Variants in ZNF366 observed in about 807,000 individuals in gnomAD.
The protein encoded by ZNF366 is zinc finger protein 366, also known as dendritic cell-specific transcript protein.
Under a neutral mutation model 47.2 loss-of-function variants are expected in ZNF366, and 20 were observed. That is an observed-to-expected ratio of 0.42 (90% CI 0.30 to 0.62). ZNF366 has a LOEUF of 0.62. ZNF366 is among the 20% of genes least tolerant of loss of function. The pLI, the probability that ZNF366 is intolerant of heterozygous loss-of-function variation, is 0.16. For synonymous variants in ZNF366, 421 were observed against 395.1 expected, an observed-to-expected ratio of 1.07 and a Z score of -0.78; for missense variants, 987 against 976.3, an observed-to-expected ratio of 1.01 and a Z score of -0.15.
At position 72,444,274 on chromosome 5, in the gene ZNF366, T is replaced by C. The variant is rs1333401095; in HGVS notation, c.1717A>G (p.Ile573Val). ...ACACCGGCTGTCTGTGCCAGGGCGATTCTCCCCCTTCCCAGACCTGCAAGA... is the reference window on the plus strand; with the variant it reads ...ACACCGGCTGTCTGTGCCAGGGCGACTCTCCCCCTTCCCAGACCTGCAAGA... ...LHSQGLGRGRIALAQTAGVLR... is the reference protein window; with the variant it reads ...LHSQGLGRGRVALAQTAGVLR... The change falls in exon 5 of 5, where the codon ATC (isoleucine) becomes GTC (valine). Residue 573 changes from isoleucine (I) to valine (V), a missense_variant. Around this residue, in one of 3 missense-constraint regions of ZNF366, gnomAD observed 285 missense variants for 234.8 expected, o/e 1.21. Transcript: ENST00000318442. 1.2e-6 allele frequency: 2 copies of C among 1,611,366 alleles called. No individual in the cohort carries two copies. Among genetic ancestry groups the C allele is most frequent in the Admixed American group, 1.7e-5 (1 of 59,916 alleles).
Position 72,460,966 on chromosome 5 carries a change from G to A in ZNF366, c.531C>T (p.Tyr177=). The part of the protein sequence containing the change: ...TPFLPTPYPY[Y]PKVHPGLMFP... ...ACATGAGGCCCGGGTGGACTTTGGG[G>A]TAGTAGGGGTAGGGCGTGGGCAGGA... The change falls in exon 2 of 5, where the codon TAC becomes TAT. Residue 177 remains tyrosine (Y), a synonymous_variant. Coordinates refer to ENST00000318442, the MANE Select transcript of ZNF366 (RefSeq NM_152625.3). 1 of 1,613,364 alleles carries A rather than the reference G, an allele frequency of 6.2e-7. No individual in the cohort carries two copies. The highest frequency in any genetic ancestry group is 8.5e-7 in the Non-Finnish European group (1 of 1,179,564).
chr5:72,452,303 C>T (rs907028360), intron 3 of ZNF366, among the ~76,000 whole-genome samples: 1 of 152,058 alleles, frequency 6.6e-6, no homozygotes, highest in Non-Finnish European at 1.5e-5. Context: ...CCAAAAGGAC[C>T]GTGAGAAAAC....
chr5:72,456,503 G>T lies in ZNF366; in HGVS notation c.1425C>A (p.Arg475=), dbSNP rs372107612. Residue 475 remains arginine, a synonymous_variant, in exon 3 of 5, where the codon CGC becomes CGA. Transcript: ENST00000318442. ...TGTAGCAGAGGTGACACTGGTAGGC[G>T]CGGATGTTGGTGTGGATCAGCACGT... ...KRHVLIHTNI[R]AYQCHLCYKS... The T allele has an allele frequency of 6.2e-7, 1 of 1,613,918 alleles. No homozygotes were observed. Among genetic ancestry groups the T allele is most frequent in the African/African-American group, 1.3e-5 (1 of 74,916 alleles).
intron 3 of ZNF366, among the ~76,000 whole-genome samples, chr5:72,455,837 G>A (rs1743171022): frequency 6.6e-6 from 1 of 152,194 alleles, no homozygotes; most frequent in Admixed American, 6.5e-5. Flanking sequence ...GCCCCAGCAA[G>A]CATTTCTGAG....
At chr5:72,492,007 G>T (rs1321263679) in intron 1 of ZNF366, among the ~76,000 whole-genome samples, 2 of 152,194 alleles carry the variant, frequency 1.3e-5, no homozygotes, top group Non-Finnish European at 2.9e-5. Flanking sequence ...AAATTAGAGA[G>T]TGTGCAAAGC....
At chr5:72,456,640 A>G (rs369981152) in intron 2 of ZNF366, 45 bp from the exon 3 acceptor site, 1 of 1,533,140 alleles carries the variant, frequency 6.5e-7, no homozygotes, top group Non-Finnish European at 8.9e-7. Context: ...GACAGGTAAC[A>G]TGCTTTCATC....
At chr5:72,484,495 A>AAATAATAATAATAATAAT (rs60726077) in intron 1 of ZNF366, among the ~76,000 whole-genome samples, 5 of 145,740 alleles carry the variant, frequency 3.4e-5, no homozygotes, top group African/African-American at 1.3e-4. Context: ...AAAAAAAAAA[A>AAATAATAATAATAATAAT]AATAATAATA....
At chr5:72,468,807 G>C (rs114463355) in intron 1 of ZNF366, among the ~76,000 whole-genome samples, 2 of 152,132 alleles carry the variant, frequency 1.3e-5, no homozygotes, top group African/African-American at 4.8e-5. Flanking sequence ...CTCTGTCCTC[G>C]TGACCCATTT....
intron 1 of ZNF366, among the ~76,000 whole-genome samples, chr5:72,464,642 C>T (rs544652912): frequency 2.0e-4 from 30 of 152,216 alleles, no homozygotes; most frequent in South Asian, 4.1e-4. Context: ...TAATTTTTTA[C>T]GTATCTTAAT....
At chr5:72,449,680 A>G (rs1489909961) in intron 3 of ZNF366, among the ~76,000 whole-genome samples, 1 of 152,238 alleles carries the variant, frequency 6.6e-6, no homozygotes, top group Non-Finnish European at 1.5e-5. Context: ...GAGTATAACC[A>G]GTATTTGGTT....
In ZNF366 at chr5:72,440,590, T is replaced by C. The variant is rs1457931253; in HGVS notation, c.*3166A>G. 1 of 152,232 alleles carries C rather than the reference T, an allele frequency of 6.6e-6. No individual in the cohort carries two copies. Among genetic ancestry groups the C allele is most frequent in the Non-Finnish European group, 1.5e-5 (1 of 68,040 alleles). The allele number at this position is 152,232 out of a possible 1,614,324, so 9.4% of individuals were successfully genotyped here. ...CCCACATGGACTCTCCTTCAAGGCTTGCCTTCTGGTTCATCAGCTCATTAG... is the reference window on the plus strand; with the variant it reads ...CCCACATGGACTCTCCTTCAAGGCTCGCCTTCTGGTTCATCAGCTCATTAG... On this transcript the variant is annotated 3_prime_UTR_variant, in exon 5 of 5. Coordinates refer to ENST00000318442, the MANE Select transcript of ZNF366 (RefSeq NM_152625.3).
rs147297673 is a variant in ZNF366, at chr5:72,478,026, A to G, written c.-14-16516T>C. 4.7e-4 allele frequency among the ~76,000 whole-genome samples: 72 copies of G among 152,260 alleles called. No individual in the cohort carries two copies. In the East Asian group the frequency reaches 0.013, roughly 27 times the overall value. ...ATATTTGAGGGTTTGTTTTTTTTTA[A>G]TGAATCCTATTTCTGAATTCCAGCA... On this transcript the variant is annotated intron_variant, in intron 1 of 4. Coordinates refer to ENST00000318442, the MANE Select transcript of ZNF366 (RefSeq NM_152625.3).
Position 72,443,926 on chromosome 5 carries a change from G to A in ZNF366, c.2065C>T (p.Gln689Ter), listed in dbSNP as rs1417364635. ...TCTCTGCCGGCACAGTCTCTCTCCT[G>A]GCCGCCCTCTGCCCCAAGGTCACCC... ...SKGDLGAEGGQERDCAGRDEC... is the reference protein window; with the variant it reads ...SKGDLGAEGG The change falls in exon 5 of 5, where the codon CAG becomes TAG. Residue 689 changes from glutamine to a stop codon, truncating the protein, a stop_gained. Transcript: ENST00000318442. LOFTEE classifies it high-confidence loss of function. 6.2e-7 allele frequency: 1 copy of A among 1,614,172 alleles called. No individual in the cohort carries two copies.
chr5:72,464,778 C>T (rs760559010), intron 1 of ZNF366, among the ~76,000 whole-genome samples: 5 of 152,068 alleles, frequency 3.3e-5, no homozygotes, highest in East Asian at 1.9e-4. Context: ...AGTAGGATCT[C>T]GGCTGGGCGC....
chr5:72,481,839 A>G (rs1204172427), intron 1 of ZNF366, among the ~76,000 whole-genome samples: 1 of 152,180 alleles, frequency 6.6e-6, no homozygotes, highest in African/African-American at 2.4e-5. Flanking sequence ...CATACCCATT[A>G]GTATGTTTAG....
At chr5:72,466,022 G>T (rs772953236) in intron 1 of ZNF366, among the ~76,000 whole-genome samples, 1 of 152,190 alleles carries the variant, frequency 6.6e-6, no homozygotes, top group Non-Finnish European at 1.5e-5. Flanking sequence ...GGACAGGAGA[G>T]GGGGACTGGG....
chr5:72,453,947 C>T (rs1743129908), intron 3 of ZNF366, among the ~76,000 whole-genome samples: 1 of 152,210 alleles, frequency 6.6e-6, no homozygotes, highest in African/African-American at 2.4e-5. Context: ...AGGGAGCCTC[C>T]TGACCTCTAG....
chr5:72,497,936 C>T (rs1201988701), intron 1 of ZNF366, among the ~76,000 whole-genome samples: 1 of 152,110 alleles, frequency 6.6e-6, no homozygotes, highest in East Asian at 1.9e-4. Context: ...GTCATTTGCT[C>T]ATTTTTCTGT....
At position 72,447,297 on chromosome 5, in the gene ZNF366, T is replaced by C. The variant is rs908256339; in HGVS notation, c.1645A>G (p.Thr549Ala). ...PSKFTLKGNL[T>A]RHMKVKHGVM... ...CCATGCTTGACTTTCATGTGGCGTG[T>C]CAGGTTCCCCTTCAGGGTGAATTTG... Residue 549 changes from threonine to alanine, a missense_variant, in exon 4 of 5, where the codon ACA becomes GCA. Around this residue, in one of 3 missense-constraint regions of ZNF366, gnomAD observed 111 missense variants for 180.5 expected, o/e 0.61. Transcript: ENST00000318442. 1.2e-6 allele frequency: 2 copies of C among 1,614,216 alleles called. No individual in the cohort carries two copies. Among genetic ancestry groups the C allele is most frequent in the Admixed American group, 1.7e-5 (1 of 60,022 alleles).
Sources: gnomAD v4.1 joint callset for allele counts (sites outside exome capture counted in the v4.1 genomes callset) on GRCh38, gnomAD v4.1.1 for gene constraint, gnomAD v4.1.1 regional missense constraint, MANE v1.5 for transcripts, NCBI Gene and HGNC (gene_info 2026-07-23, HGNC 2026-07-21) for gene names.